SLC4A4: variants seen among roughly 807,000 people sequenced by gnomAD.
SLC4A4 encodes the protein electrogenic sodium bicarbonate cotransporter 1.
A neutral mutation model predicts 111.5 loss-of-function variants in SLC4A4; 27 were observed. That is an observed-to-expected ratio of 0.24 (90% CI 0.18 to 0.33). SLC4A4 has a LOEUF of 0.33. SLC4A4 is among the 10% of genes least tolerant of loss of function. The probability of loss-of-function intolerance (pLI) is 1.00; values close to 1 mark genes in which losing one functional copy is unlikely to be tolerated. For missense variants in SLC4A4, 909 were observed against 1,315.5 expected, an observed-to-expected ratio of 0.69 and a Z score of 4.78; for synonymous variants, 443 against 463.4, an observed-to-expected ratio of 0.96 and a Z score of 0.57.
At chr4:71,276,597 T>C (rs879187314) in intron 3 of SLC4A4, among the ~76,000 whole-genome samples, 11 of 152,254 alleles carry the variant, frequency 7.2e-5, no homozygotes, top group South Asian at 2.1e-4. Flanking sequence ...TCTTTTTTTT[T>C]CCCACTAGCA....
intron 1 of SLC4A4, among the ~76,000 whole-genome samples, chr4:71,091,227 C>T (rs997332562): frequency 1.1e-4 from 17 of 151,300 alleles, no homozygotes; most frequent in Admixed American, 4.6e-4. Flanking sequence ...GGTTTACAGG[C>T]GTGAGCCACT....
chr4:71,347,936 T>A (rs1729474650), intron 4 of SLC4A4, among the ~76,000 whole-genome samples: 1 of 152,198 alleles, frequency 6.6e-6, no homozygotes, highest in African/African-American at 2.4e-5. Flanking sequence ...ACACTCTTTA[T>A]AGATAGATGA....
At chr4:71,565,294 TCTC>T (rs1345623450) in intron 24 of SLC4A4, among the ~76,000 whole-genome samples, 5 of 151,946 alleles carry the variant, frequency 3.3e-5, no homozygotes, top group African/African-American at 9.6e-5. Flanking sequence ...TCCTGCCACA[TCTC>T]CTCACTGAGA....
At chr4:71,185,668 C>T (rs76980738), upstream of SLC4A4, among the ~76,000 whole-genome samples, 5,280 of 152,260 alleles carry the variant, frequency 0.035, 300 homozygotes, top group African/African-American at 0.12. Flanking sequence ...AGGCTCCATA[C>T]CTGCTTTCCA....
chr4:71,418,160 T>C (rs1721985743), intron 7 of SLC4A4, among the ~76,000 whole-genome samples: 1 of 152,216 alleles, frequency 6.6e-6, no homozygotes, highest in Non-Finnish European at 1.5e-5. Flanking sequence ...TCATCCTGTT[T>C]AGGAAATCAG....
intron 2 of SLC4A4, among the ~76,000 whole-genome samples, chr4:71,180,701 C>T (rs1254510136): frequency 1.3e-5 from 2 of 152,218 alleles, no homozygotes; most frequent in African/African-American, 2.4e-5. Flanking sequence ...CAGGAAACAA[C>T]AGGTGCTGGA....
intron 16 of SLC4A4, among the ~76,000 whole-genome samples, chr4:71,505,896 A>G (rs371823854): frequency 1.3e-5 from 2 of 152,054 alleles, no homozygotes; most frequent in East Asian, 1.9e-4. Flanking sequence ...ACAAGTTTCA[A>G]TTTTCTACAT....
chr4:71,138,863 T>C (rs565538211), intron 2 of SLC4A4, among the ~76,000 whole-genome samples: 37 of 151,848 alleles, frequency 2.4e-4, no homozygotes, highest in Middle Eastern at 3.4e-3. Flanking sequence ...GGTGAAACCC[T>C]GTCTCTACTG....
At chr4:71,089,321 A>T (rs1742302660) in intron 1 of SLC4A4, among the ~76,000 whole-genome samples, 1 of 151,434 alleles carries the variant, frequency 6.6e-6, no homozygotes, top group African/African-American at 2.4e-5. Context: ...AAGGTTTTTA[A>T]CTTCTTTGCC....
At chr4:71,184,056 G>A (rs548371097), upstream of SLC4A4, among the ~76,000 whole-genome samples, 1 of 152,212 alleles carries the variant, frequency 6.6e-6, no homozygotes, top group Non-Finnish European at 1.5e-5. Context: ...GTTGAACACA[G>A]TGCTTTACAG....
rs146227043 is a variant in SLC4A4, at chr4:71,235,520, T to G, written c.-1-1056T>G. ...CTGTCCCCAGAGAAAGTTCTTTGTT[T>G]CTAGACTGGTACTACACAAGCAGCA... On this transcript the variant is annotated intron_variant, in intron 1 of 25. Coordinates refer to ENST00000264485, the MANE Select transcript of SLC4A4 (RefSeq NM_001098484.3). 7.4e-4 allele frequency among the ~76,000 whole-genome samples: 113 copies of G among 152,354 alleles called. No individual in the cohort carries two copies. The East Asian group carries it at 0.018, about 24-fold the overall frequency.
chr4:71,184,568 A>G (rs1745394045), upstream of SLC4A4, among the ~76,000 whole-genome samples: 4 of 152,226 alleles, frequency 2.6e-5, no homozygotes, highest in South Asian at 8.3e-4. Flanking sequence ...CATTATCAGT[A>G]AAGCTTACTT....
chr4:71,152,862 C>T (rs530789764), intron 2 of SLC4A4, among the ~76,000 whole-genome samples: 2 of 151,338 alleles, frequency 1.3e-5, no homozygotes, highest in Non-Finnish European at 2.9e-5. Context: ...TGCTCATTCA[C>T]TAAATAAAAG....
intron 3 of SLC4A4, among the ~76,000 whole-genome samples, chr4:71,290,835 G>A (rs1341098558): frequency 6.6e-6 from 1 of 152,182 alleles, no homozygotes; most frequent in Non-Finnish European, 1.5e-5. Flanking sequence ...AAATCTTTGG[G>A]AAAATGTAAA....
chr4:71,552,895 T>C (rs1309003800), intron 20 of SLC4A4, among the ~76,000 whole-genome samples: 1 of 151,878 alleles, frequency 6.6e-6, no homozygotes, highest in Non-Finnish European at 1.5e-5. Context: ...AGTTCCATCT[T>C]CTTAAAATGC....
chr4:71,346,261 C>T (rs892419554), intron 4 of SLC4A4, among the ~76,000 whole-genome samples: 3 of 152,060 alleles, frequency 2.0e-5, no homozygotes, highest in Non-Finnish European at 4.4e-5. Flanking sequence ...GAATAAACTT[C>T]ACCTAATAAA....
intron 6 of SLC4A4, among the ~76,000 whole-genome samples, chr4:71,394,531 G>A (rs1050973269): frequency 6.6e-6 from 1 of 151,574 alleles, no homozygotes; most frequent in Non-Finnish European, 1.5e-5. Flanking sequence ...CGGTGATCAG[G>A]GAACACTTCT....
At chr4:71,534,474 T>C in intron 18 of SLC4A4, 86 bp downstream of exon 18, 2 of 1,329,624 alleles carry the variant, frequency 1.5e-6, no homozygotes, top group Admixed American at 3.6e-5. Context: ...CCAAGGGAGC[T>C]TTGTTGGGAG....
chr4:71,127,964 T>C (rs1309422459), intron 2 of SLC4A4, among the ~76,000 whole-genome samples: 1 of 152,136 alleles, frequency 6.6e-6, no homozygotes, highest in Non-Finnish European at 1.5e-5. Context: ...GGTGCAGGAC[T>C]GTAGTCTCAG....
Sources: gnomAD v4.1 joint callset for allele counts (sites outside exome capture counted in the v4.1 genomes callset) on GRCh38, gnomAD v4.1.1 for gene constraint, MANE v1.5 for transcripts, NCBI Gene and HGNC (gene_info 2026-07-23, HGNC 2026-07-21) for gene names.